Variants in FBXO39 observed in about 807,000 individuals in gnomAD.
FBXO39 encodes F-box protein 39.
FBXO39 carries 22 observed loss-of-function variants against 36.6 expected under a neutral mutation model. That is an observed-to-expected ratio of 0.60 (90% CI 0.43 to 0.86). FBXO39 has a LOEUF of 0.86. Ranked by LOEUF, FBXO39 falls within the 40% of genes least tolerant of loss-of-function variation. The pLI is 0.00. For synonymous variants in FBXO39, 206 were observed against 205.8 expected (o/e 1.00, Z -0.01); for missense variants, 536 against 543.9 (o/e 0.99, Z 0.14).
At position 6,787,354 on chromosome 17, in the gene FBXO39, G is replaced by T. The variant is rs752883493; in HGVS notation, c.1255G>T (p.Glu419Ter). 6.2e-7 allele frequency: 1 copy of T among 1,614,054 alleles called. No homozygotes were observed. The highest frequency in any genetic ancestry group is 1.1e-5 in the South Asian group (1 of 91,078). ...ETNEEDKTLQ[E>*]IYRKYRKLIE... is the part of the protein sequence containing the mutation. ...GAATGAAGAGGACAAGACCCTGCAG[G>T]AAATTTACAGGAAGTACAGAAAGCT... Residue 419 changes from glutamate to a stop codon, truncating the protein, a stop_gained, in exon 4 of 4, where the codon GAA becomes TAA. Coordinates refer to ENST00000321535, the MANE Select transcript of FBXO39 (RefSeq NM_153230.3). LOFTEE classifies it high-confidence loss of function.
intron 2 of FBXO39, among the ~76,000 whole-genome samples, chr17:6,785,066 T>C (rs1334546041): frequency 6.7e-6 from 1 of 149,030 alleles, no homozygotes; most frequent in African/African-American, 2.6e-5. Flanking sequence ...TACAGAGCTA[T>C]AGTCACTAAA....
chr17:6,787,226 G>A (rs1694015186), intron 3 of FBXO39, 74 bp from the exon 4 acceptor site: 1 of 1,510,354 alleles, frequency 6.6e-7, no homozygotes, highest in Non-Finnish European at 8.9e-7. Flanking sequence ...TAGTCACCGT[G>A]TGTGTGTGTG....
chr17:6,784,365 G>A (rs1976541390), intron 2 of FBXO39, among the ~76,000 whole-genome samples: 1 of 152,026 alleles, frequency 6.6e-6, no homozygotes, highest in Non-Finnish European at 1.5e-5. Context: ...GAGCAAGGAT[G>A]CCACTGTTAC....
chr17:6,786,419 A>G (rs1172041951), intron 2 of FBXO39, among the ~76,000 whole-genome samples: 1 of 152,180 alleles, frequency 6.6e-6, no homozygotes, highest in East Asian at 1.9e-4. Context: ...AAGAATGAAC[A>G]AGATCTAGTA....
Position 6,780,777 on chromosome 17 carries a change from G to A in FBXO39, c.909G>A (p.Leu303=). 6.2e-7 allele frequency: 1 copy of A among 1,614,066 alleles called. No homozygotes were observed. Residue 303 remains leucine (L), a synonymous_variant, in exon 2 of 4, where the codon TTG becomes TTA. Transcript: ENST00000321535. ...MKYERLARIL[L]QEIPIRSISL... Reference sequence around the variant, plus strand: ...ACGAACGCTTGGCCCGAATCCTCTTGCAGGAGATCCCGATCAGGAGCATCA... The same window carrying A: ...ACGAACGCTTGGCCCGAATCCTCTTACAGGAGATCCCGATCAGGAGCATCA...
chr17:6,780,508 C>A lies in FBXO39; in HGVS notation c.640C>A (p.Pro214Thr). ...FSHHLAVYNSPQFKKTMSTFH... is the reference protein window; with the variant it reads ...FSHHLAVYNSTQFKKTMSTFH... The stretch of plus-strand genomic sequence containing the variant: ...CCATCACCTTGCTGTCTACAACAGC[C>A]CCCAGTTCAAAAAGACCATGTCCAC... Residue 214 changes from proline to threonine, a missense_variant, in exon 2 of 4, where the codon CCC (proline) becomes ACC (threonine). Pro to Thr is a conservative substitution (Grantham distance 38). Coordinates refer to ENST00000321535, the MANE Select transcript of FBXO39 (RefSeq NM_153230.3). The A allele has an allele frequency of 6.2e-7, 1 of 1,614,090 alleles. No homozygotes were observed. Among genetic ancestry groups the A allele is most frequent in the Non-Finnish European group, 8.5e-7 (1 of 1,180,026 alleles).
intron 3 of FBXO39, 22 bp from the exon 4 acceptor site, chr17:6,787,278 A>T (rs554417651): frequency 3.1e-6 from 5 of 1,598,918 alleles, no homozygotes; most frequent in East Asian, 2.3e-5. Context: ...TCATATGTGG[A>T]TGTATTTCTC....
intron 2 of FBXO39, among the ~76,000 whole-genome samples, chr17:6,782,515 G>C (rs1012754343): frequency 1.3e-5 from 2 of 152,130 alleles, no homozygotes; most frequent in Admixed American, 1.3e-4. Flanking sequence ...TCAATTATCT[G>C]CTGCCTACAA....
In FBXO39 at chr17:6,780,268, C is replaced by G. The variant is rs1166377762; in HGVS notation, c.400C>G (p.Leu134Val). 2 of 1,614,036 alleles carry G rather than the reference C, an allele frequency of 1.2e-6. No homozygotes were observed. Among genetic ancestry groups the G allele is most frequent in the African/African-American group, 2.7e-5 (2 of 74,912 alleles). ...NRLKSLSIQY[L>V]ELDRLVWRNS... ...TCTGAAATCTCTTTCCATCCAATAC[C>G]TGGAGCTGGACCGCCTGGTATGGAG... The change falls in exon 2 of 4, where the codon CTG becomes GTG. Residue 134 changes from leucine to valine, a missense_variant. Leu to Val is a conservative substitution (Grantham distance 32). Coordinates refer to ENST00000321535, the MANE Select transcript of FBXO39 (RefSeq NM_153230.3).
At chr17:6,777,457 G>A (rs1976444045) in intron 1 of FBXO39, among the ~76,000 whole-genome samples, 1 of 152,156 alleles carries the variant, frequency 6.6e-6, no homozygotes, top group Admixed American at 6.5e-5. Flanking sequence ...TTTTATGGCT[G>A]CATAGTATTT....
At position 6,786,946 on chromosome 17, in the gene FBXO39, G is replaced by C; in HGVS notation, c.1190G>C (p.Arg397Pro). ...CAGAAAGAACGGCAGTGTGCCCTGC[G>C]TGTATTCAAGGTAAGAGGTCCCCAG... Reference protein sequence around the residue: ...KSQKERQCALRVFKARIYTNR... With the variant: ...KSQKERQCALPVFKARIYTNR... The change falls in exon 3 of 4, where the codon CGT becomes CCT. Residue 397 changes from arginine to proline, a missense_variant. Transcript: ENST00000321535. The C allele has an allele frequency of 6.2e-7, 1 of 1,612,566 alleles. No individual in the cohort carries two copies. Among genetic ancestry groups the C allele is most frequent in the Non-Finnish European group, 8.5e-7 (1 of 1,179,200 alleles).
chr17:6,783,294 C>T lies in FBXO39; in HGVS notation c.1023+2403C>T, dbSNP rs201613364. Among the ~76,000 whole-genome samples, 4 of 151,878 alleles carry T rather than the reference C, an allele frequency of 2.6e-5. No homozygotes were observed. The South Asian group carries it at 6.2e-4, about 24-fold the overall frequency. ...TAAGAGGGAAGTTTATAGCTATAAG[C>T]GCCTACATCAAAAAAGAAGAAAAAC... On this transcript the variant is annotated intron_variant, in intron 2 of 3. Transcript: ENST00000321535.
intron 1 of FBXO39, among the ~76,000 whole-genome samples, chr17:6,777,320 T>C (rs866722429): frequency 6.6e-6 from 1 of 152,138 alleles, no homozygotes. Context: ...CCATGTGTTC[T>C]CATTGTTCAA....
At chr17:6,783,279 G>A (rs1364095775) in intron 2 of FBXO39, among the ~76,000 whole-genome samples, 1 of 151,980 alleles carries the variant, frequency 6.6e-6, no homozygotes, top group African/African-American at 2.4e-5. Flanking sequence ...TAAGAGGGAA[G>A]TTTATAGCTA....
intron 1 of FBXO39, among the ~76,000 whole-genome samples, chr17:6,778,819 G>C (rs1436511034): frequency 6.6e-6 from 1 of 152,146 alleles, no homozygotes; most frequent in Non-Finnish European, 1.5e-5. Context: ...TCTCTAGTTG[G>C]GTCAGAAAAT....
intron 1 of FBXO39, among the ~76,000 whole-genome samples, chr17:6,778,625 A>G (rs1976463069): frequency 3.9e-5 from 6 of 152,198 alleles, no homozygotes; most frequent in Non-Finnish European, 1.5e-5. Context: ...TAAAGTAGTC[A>G]GTGAGAGCTT....
chr17:6,786,187 G>A (rs1416262544), intron 2 of FBXO39, among the ~76,000 whole-genome samples: 2 of 152,210 alleles, frequency 1.3e-5, no homozygotes, highest in Non-Finnish European at 2.9e-5. Flanking sequence ...AGATTCTGTT[G>A]TTTGCAATAA....
At chr17:6,778,586 C>A (rs757468502) in intron 1 of FBXO39, among the ~76,000 whole-genome samples, 2 of 152,058 alleles carry the variant, frequency 1.3e-5, no homozygotes, top group Non-Finnish European at 2.9e-5. Context: ...ATTTTATGAG[C>A]CATGATCAAT....
chr17:6,785,957 A>C (rs1976565205), intron 2 of FBXO39, among the ~76,000 whole-genome samples: 1 of 152,212 alleles, frequency 6.6e-6, no homozygotes, highest in Non-Finnish European at 1.5e-5. Flanking sequence ...TTCCTCAAAA[A>C]ACTAAAAATA....
Sources: allele counts gnomAD v4.1 joint callset (sites outside exome capture counted in the v4.1 genomes callset), GRCh38; gene constraint gnomAD v4.1.1; transcripts MANE v1.5; gene names NCBI Gene and HGNC (gene_info 2026-07-23, HGNC 2026-07-21).